Variants in PC observed in about 807,000 individuals in gnomAD.
PC encodes pyruvate carboxylase.
PC carries 46 observed loss-of-function variants against 107.8 expected under a neutral mutation model. That is an observed-to-expected ratio of 0.43 (90% confidence interval 0.34 to 0.55). PC has a LOEUF of 0.55. Ranked by LOEUF, PC falls within the 20% of genes least tolerant of loss-of-function variation. The pLI is 0.04. For missense variants in PC, 1,241 were observed against 1,643.1 expected (o/e 0.76, Z 4.23); for synonymous variants, 662 against 684.7 (o/e 0.97, Z 0.52).
At position 66,869,097 on chromosome 11, in the gene PC, C is replaced by A. The variant is rs931782508; in HGVS notation, c.904-133G>T. The A allele has an allele frequency of 7.2e-6, 5 of 690,760 alleles. No homozygotes were observed. The Admixed American group carries it at 1.1e-4, about 15-fold the overall frequency. 42.8% of individuals were successfully genotyped at this position (690,760 alleles called of 1,614,324 possible). ...GAATGGCCTGTGGCAAACCCTGCCC[C>A]CACAGATGGCAGACAGACCCCAGGG... On this transcript the variant is annotated intron_variant, in intron 9 of 22. Transcript: ENST00000393960.
intron 3 of PC, among the ~76,000 whole-genome samples, chr11:66,936,356 C>CA (rs1341275321): frequency 6.6e-6 from 1 of 152,084 alleles, no homozygotes; most frequent in African/African-American, 2.4e-5. Context: ...AACAGAACAT[C>CA]AGCAGTCAGC....
In PC at chr11:66,866,226, G is replaced by A. The variant is rs958449027; in HGVS notation, c.1146C>T (p.Asp382=). 3 of 1,612,002 alleles carry A rather than the reference G, an allele frequency of 1.9e-6. No individual in the cohort carries two copies. The East Asian group carries it at 6.7e-5, about 36-fold the overall frequency. The stretch of plus-strand genomic sequence containing the variant: ...TGTCCGGCTGGAAGCTGCGCGCGGG[G>A]TCCTCGGTGGTGACCCGGCACTGGA... ...CAIQCRVTTE[D]PARSFQPDTG... is the part of the protein sequence containing the mutation. The change falls in exon 11 of 23, where the codon GAC becomes GAT. Residue 382 remains aspartate, a synonymous_variant. Coordinates refer to ENST00000393960, the MANE Select transcript of PC (RefSeq NM_001040716.2). This position sits in a 1 kb window ranked among gnomAD's most constrained non-coding sequence, Gnocchi z 5.4.
rs141566843 is a variant in PC, at chr11:66,876,835, T to A, written c.1-4676A>T. Among the ~76,000 whole-genome samples the A allele has an allele frequency of 3.0e-4, 45 of 152,068 alleles. 1 individual carries two copies. In the South Asian group the frequency reaches 7.7e-3, roughly 26 times the overall value. ...TGTCAAAAGAGCTCAAGTTACCACA[T>A]AGGGCAAAGTCAGGAAGAGGCGAGG... On this transcript the variant is annotated intron_variant, in intron 3 of 22. Coordinates refer to ENST00000393960, the MANE Select transcript of PC (RefSeq NM_001040716.2).
At chr11:66,932,082 A>T (rs1948871562) in intron 3 of PC, among the ~76,000 whole-genome samples, 1 of 152,040 alleles carries the variant, frequency 6.6e-6, no homozygotes, top group Admixed American at 6.6e-5. Context: ...CAAAGGGCAG[A>T]CCACCTCCAA....
chr11:66,858,168 G>C lies in PC; in HGVS notation c.1369-4785C>G. Reference sequence around the variant, plus strand: ...CCGCATCGCGCCGGGAGCCTTCGACGACTTCCTAGAGAGCCTGGAGGACCT... The same window carrying C: ...CCGCATCGCGCCGGGAGCCTTCGACCACTTCCTAGAGAGCCTGGAGGACCT... On this transcript the variant is annotated intron_variant, in intron 12 of 22. Coordinates refer to ENST00000393960, the MANE Select transcript of PC (RefSeq NM_001040716.2). The surrounding 1 kb of genome is among the most constrained non-coding windows in gnomAD (Gnocchi z 5.9). The C allele has an allele frequency of 3.1e-6, 5 of 1,610,882 alleles. No individual in the cohort carries two copies. Among genetic ancestry groups the C allele is most frequent in the Non-Finnish European group, 4.2e-6 (5 of 1,178,816 alleles).
At chr11:66,863,523 GCA>G (rs1946363891) in intron 12 of PC, among the ~76,000 whole-genome samples, 2 of 152,200 alleles carry the variant, frequency 1.3e-5, no homozygotes, top group African/African-American at 4.8e-5. Context: ...TAGACAGGAG[GCA>G]TGTGAGGACG....
intron 3 of PC, among the ~76,000 whole-genome samples, chr11:66,883,189 G>A (rs1488744245): frequency 2.0e-5 from 3 of 152,178 alleles, no homozygotes; most frequent in Non-Finnish European, 2.9e-5. Flanking sequence ...GCACCGAGGC[G>A]ACTGGCGCCA....
intron 3 of PC, among the ~76,000 whole-genome samples, chr11:66,930,741 T>A (rs1403869892): frequency 3.0e-5 from 3 of 99,286 alleles, no homozygotes; most frequent in Non-Finnish European, 4.0e-5. Flanking sequence ...GACTCTGTCT[T>A]AAAAAAAAAA....
chr11:66,878,133 G>A (rs1430403977), intron 3 of PC, among the ~76,000 whole-genome samples: 1 of 152,124 alleles, frequency 6.6e-6, no homozygotes, highest in Non-Finnish European at 1.5e-5. Context: ...CAGGAGCCTA[G>A]CACCCTCCCC....
intron 12 of PC, among the ~76,000 whole-genome samples, chr11:66,856,298 G>A (rs1415663294): frequency 2.0e-5 from 3 of 152,224 alleles, no homozygotes; most frequent in Non-Finnish European, 2.9e-5. Flanking sequence ...GGGAAGCCGC[G>A]CCGCGCAGAC....
chr11:66,891,241 G>A (rs1246416435), intron 3 of PC, among the ~76,000 whole-genome samples: 1 of 151,762 alleles, frequency 6.6e-6, no homozygotes, highest in African/African-American at 2.4e-5. Context: ...TGTATTTTTA[G>A]TAGAGACAGG....
At chr11:66,894,139 C>T (rs1356063803) in intron 3 of PC, among the ~76,000 whole-genome samples, 1 of 152,160 alleles carries the variant, frequency 6.6e-6, no homozygotes, top group African/African-American at 2.4e-5. Context: ...TGACGGCACT[C>T]TTCCTGAAAA....
intron 3 of PC, among the ~76,000 whole-genome samples, chr11:66,924,887 A>G (rs977051689): frequency 6.6e-6 from 1 of 152,168 alleles, no homozygotes; most frequent in African/African-American, 2.4e-5. Flanking sequence ...ATTTTCCCTA[A>G]GTGTCAGCCA....
At chr11:66,927,013 G>A (rs1375646430) in intron 3 of PC, among the ~76,000 whole-genome samples, 1 of 149,840 alleles carries the variant, frequency 6.7e-6, no homozygotes, top group Non-Finnish European at 1.5e-5. Context: ...GTTTTGAGAC[G>A]GAGTTTTGCT....
At chr11:66,849,393 C>G in intron 21 of PC, 23 bp from the exon 22 acceptor site, 1 of 1,611,524 alleles carries the variant, frequency 6.2e-7, no homozygotes, top group Non-Finnish European at 8.5e-7. Flanking sequence ...TGTGCAGACT[C>G]AGAGCTGGAC....
At chr11:66,862,838 A>G (rs905521604) in intron 12 of PC, among the ~76,000 whole-genome samples, 1 of 152,206 alleles carries the variant, frequency 6.6e-6, no homozygotes, top group Non-Finnish European at 1.5e-5. Flanking sequence ...CTGCCAGCCC[A>G]CCAAGGGCAG....
At chr11:66,934,777 T>C (rs1479406695) in intron 3 of PC, among the ~76,000 whole-genome samples, 1 of 152,138 alleles carries the variant, frequency 6.6e-6, no homozygotes, top group African/African-American at 2.4e-5. Context: ...GCTAATTTTT[T>C]GTATTTTAGT....
chr11:66,937,090 C>T lies in PC; in HGVS notation c.-1+15340G>A, dbSNP rs1364134638. On this transcript the variant is annotated intron_variant, in intron 3 of 22. Coordinates refer to ENST00000393960, the MANE Select transcript of PC (RefSeq NM_001040716.2). ...AACTTCTGACCTCAAATGATCCACCCGTCTGGGCCTCCCAAAGTGCTGGGA... is the reference window on the plus strand; with the variant it reads ...AACTTCTGACCTCAAATGATCCACCTGTCTGGGCCTCCCAAAGTGCTGGGA... Among the ~76,000 whole-genome samples, 5 of 152,128 alleles carry T rather than the reference C, an allele frequency of 3.3e-5. No individual in the cohort carries two copies. In the South Asian group the frequency reaches 6.2e-4, roughly 19 times the overall value.
chr11:66,915,140 CAGGGAGGG>C (rs1039863920), intron 3 of PC, among the ~76,000 whole-genome samples: 1 of 150,674 alleles, frequency 6.6e-6, no homozygotes, highest in Non-Finnish European at 1.5e-5. Flanking sequence ...AGACTCCAGC[CAGGGAGGG>C]AGGGAGGGAG....
Sources: allele counts gnomAD v4.1 joint callset (sites outside exome capture counted in the v4.1 genomes callset), GRCh38; gene constraint gnomAD v4.1.1; non-coding constraint Gnocchi (gnomAD v3.1); transcripts MANE v1.5; gene names NCBI Gene and HGNC (gene_info 2026-07-23, HGNC 2026-07-21).